The following GUCY1A2 variants were observed in gnomAD, a reference collection of about 807,000 sequenced individuals.
GUCY1A2 encodes guanylate cyclase 1 soluble subunit alpha 2.
A neutral mutation model predicts 63.5 loss-of-function variants in GUCY1A2; 27 were observed. The ratio of observed to expected loss-of-function variants is 0.43; its 90% CI spans 0.31 to 0.59. The LOEUF (loss-of-function observed/expected upper bound fraction) is 0.59. Ranked by LOEUF, GUCY1A2 falls within the 20% of genes least tolerant of loss-of-function variation. GUCY1A2 has a pLI of 0.11. For missense variants in GUCY1A2, 768 were observed against 913.3 expected (o/e 0.84, Z 2.05); for synonymous variants, 364 against 343.5 (o/e 1.06, Z -0.66).
At chr11:106,697,805 T>G (rs1862745637) in intron 7 of GUCY1A2, among the ~76,000 whole-genome samples, 1 of 152,176 alleles carries the variant, frequency 6.6e-6, no homozygotes, top group Non-Finnish European at 1.5e-5. Context: ...AGAATGGCTA[T>G]GTGTTTTTGC....
chr11:106,994,403 C>T (rs1861509068), intron 1 of GUCY1A2, among the ~76,000 whole-genome samples: 1 of 152,138 alleles, frequency 6.6e-6, no homozygotes, highest in East Asian at 1.9e-4. Context: ...GAGCTGAAAA[C>T]ATACACTCCC....
chr11:106,738,484 G>T (rs1402480187), intron 6 of GUCY1A2, among the ~76,000 whole-genome samples: 2 of 152,036 alleles, frequency 1.3e-5, no homozygotes, highest in South Asian at 4.1e-4. Flanking sequence ...TGTCCTGAAG[G>T]GTATTGCCTA....
At chr11:106,760,169 G>A (rs1229018424) in intron 6 of GUCY1A2, among the ~76,000 whole-genome samples, 3 of 152,114 alleles carry the variant, frequency 2.0e-5, no homozygotes, top group African/African-American at 7.2e-5. Flanking sequence ...AATTTCTGTT[G>A]TTCTAAGCCA....
intron 7 of GUCY1A2, among the ~76,000 whole-genome samples, chr11:106,706,484 G>GA (rs1862913203): frequency 6.6e-6 from 1 of 150,946 alleles, no homozygotes; most frequent in Non-Finnish European, 1.5e-5. Context: ...CATAAACTGT[G>GA]AAAAAGACTA....
intron 4 of GUCY1A2, among the ~76,000 whole-genome samples, chr11:106,936,141 T>G (rs1450239722): frequency 6.6e-6 from 1 of 152,154 alleles, no homozygotes; most frequent in African/African-American, 2.4e-5. Context: ...AGCTATTCAC[T>G]CAAACAAGAT....
chr11:106,810,701 T>C (rs965366836), intron 4 of GUCY1A2, among the ~76,000 whole-genome samples: 3 of 152,072 alleles, frequency 2.0e-5, no homozygotes, highest in African/African-American at 2.4e-5. Context: ...CTAAAGACAA[T>C]AATGAAATGG....
At chr11:106,726,996 C>T (rs142879253) in intron 6 of GUCY1A2, among the ~76,000 whole-genome samples, 11 of 152,178 alleles carry the variant, frequency 7.2e-5, no homozygotes, top group Admixed American at 2.6e-4. Context: ...GATTCGTAAT[C>T]GGGGTAAAAC....
intron 4 of GUCY1A2, among the ~76,000 whole-genome samples, chr11:106,845,282 T>TAA (rs575014977): frequency 6.9e-6 from 1 of 145,592 alleles, no homozygotes; most frequent in East Asian, 2.0e-4. Flanking sequence ...TGCGGCCGAT[T>TAA]AAAAAAAAAA....
At chr11:106,991,582 C>T (rs956349646) in intron 1 of GUCY1A2, among the ~76,000 whole-genome samples, 1 of 152,168 alleles carries the variant, frequency 6.6e-6, no homozygotes, top group Non-Finnish European at 1.5e-5. Context: ...ACACTGTGAA[C>T]TTTATCTGAA....
At chr11:106,858,103 C>A (rs1468995029) in intron 4 of GUCY1A2, among the ~76,000 whole-genome samples, 1 of 152,144 alleles carries the variant, frequency 6.6e-6, no homozygotes, top group Non-Finnish European at 1.5e-5. Context: ...CTAAAGCTTT[C>A]ACTTCAATTC....
intron 3 of GUCY1A2, among the ~76,000 whole-genome samples, chr11:106,950,220 T>C (rs1032031413): frequency 3.3e-5 from 5 of 152,208 alleles, no homozygotes; most frequent in African/African-American, 1.2e-4. Context: ...CAGGCCACTG[T>C]GCTATGCCTG....
At chr11:106,870,296 C>A (rs1015086753) in intron 4 of GUCY1A2, among the ~76,000 whole-genome samples, 2 of 151,914 alleles carry the variant, frequency 1.3e-5, no homozygotes, top group African/African-American at 4.8e-5. Flanking sequence ...ATAGCAGGTG[C>A]AACTTAGTTT....
At chr11:107,010,601 G>A (rs560066257) in intron 1 of GUCY1A2, among the ~76,000 whole-genome samples, 4 of 152,156 alleles carry the variant, frequency 2.6e-5, no homozygotes, top group Non-Finnish European at 5.9e-5. Context: ...GTCTATCACA[G>A]GCTGGATGAA....
intron 1 of GUCY1A2, among the ~76,000 whole-genome samples, chr11:106,988,508 A>C (rs1591355897): frequency 6.6e-6 from 1 of 152,210 alleles, no homozygotes; most frequent in East Asian, 1.9e-4. Flanking sequence ...AGTCATTAAA[A>C]AGCACATATT....
At chr11:106,829,631 G>A (rs140081949) in intron 4 of GUCY1A2, among the ~76,000 whole-genome samples, 1 of 152,270 alleles carries the variant, frequency 6.6e-6, no homozygotes, top group African/African-American at 2.4e-5. Flanking sequence ...TTGCCACCTG[G>A]ATATTTTGAG....
chr11:106,857,043 T>A (rs1160987514), intron 4 of GUCY1A2, among the ~76,000 whole-genome samples: 1 of 152,236 alleles, frequency 6.6e-6, no homozygotes, highest in Non-Finnish European at 1.5e-5. Flanking sequence ...CATATCTACT[T>A]CTATGTCCAA....
At chr11:106,804,468 C>T (rs74483509) in intron 5 of GUCY1A2, among the ~76,000 whole-genome samples, 1,649 of 152,288 alleles carry the variant, frequency 0.011, 9 homozygotes, top group Admixed American at 0.018. Flanking sequence ...CAACAATAAC[C>T]TAAGTACCTA....
At chr11:106,709,285 A>T (rs71488224) in intron 6 of GUCY1A2, among the ~76,000 whole-genome samples, 1,402 of 56,040 alleles carry the variant, frequency 0.025, 19 homozygotes, top group Non-Finnish European at 0.033. Flanking sequence ...ATATAAATTT[A>T]TATATATTTA....
intron 3 of GUCY1A2, among the ~76,000 whole-genome samples, chr11:106,970,925 A>G (rs1861185281): frequency 6.6e-6 from 1 of 152,084 alleles, no homozygotes; most frequent in Admixed American, 6.6e-5. Flanking sequence ...AAAGACATGG[A>G]TTAATCTTAA....
Sources: allele counts gnomAD v4.1 joint callset (sites outside exome capture counted in the v4.1 genomes callset), GRCh38; gene constraint gnomAD v4.1.1; transcripts MANE v1.5; gene names NCBI Gene and HGNC (gene_info 2026-07-23, HGNC 2026-07-21).